The following PLPPR1 variants were observed in gnomAD, a reference collection of about 807,000 sequenced individuals.
The protein encoded by PLPPR1 is phospholipid phosphatase-related protein type 1.
Under a neutral mutation model 33.1 loss-of-function variants are expected in PLPPR1, and 10 were observed. The ratio of observed to expected loss-of-function variants is 0.30; its 90% CI spans 0.19 to 0.51. PLPPR1 has a LOEUF of 0.51. Among genes scored for constraint, PLPPR1 ranks in the 20% least tolerant of loss-of-function variants. The pLI is 0.97. For synonymous variants in PLPPR1, 151 were observed against 151.0 expected, an observed-to-expected ratio of 1.00 and a Z score of 0.00; for missense variants, 304 against 408.1, an observed-to-expected ratio of 0.74 and a Z score of 2.20.
intron 1 of PLPPR1, among the ~76,000 whole-genome samples, chr9:101,046,470 C>T (rs1451178405): frequency 8.9e-5 from 12 of 134,174 alleles, no homozygotes; most frequent in Admixed American, 1.6e-4. Flanking sequence ...GACAGAGTCT[C>T]GCCATGTCGC....
At chr9:101,080,987 T>C (rs1473584082) in intron 1 of PLPPR1, among the ~76,000 whole-genome samples, 1 of 152,178 alleles carries the variant, frequency 6.6e-6, no homozygotes, top group East Asian at 1.9e-4. Context: ...GTGGGAGTTC[T>C]GCAGTGTAGA....
At chr9:101,197,190 C>G (rs191456582) in intron 2 of PLPPR1, among the ~76,000 whole-genome samples, 1 of 152,244 alleles carries the variant, frequency 6.6e-6, no homozygotes, top group Admixed American at 6.5e-5. Flanking sequence ...ATTTTGGTCA[C>G]GCGTATCTGT....
intron 1 of PLPPR1, among the ~76,000 whole-genome samples, chr9:101,087,455 G>A (rs1830692735): frequency 6.6e-6 from 1 of 152,160 alleles, no homozygotes; most frequent in Admixed American, 6.5e-5. Flanking sequence ...AGAAAAGAAC[G>A]AGAGATGTAA....
chr9:101,275,124 T>C (rs144101208), intron 3 of PLPPR1, among the ~76,000 whole-genome samples: 266 of 152,334 alleles, frequency 1.7e-3, no homozygotes, highest in Middle Eastern at 3.4e-3. Context: ...TGGAGTATAA[T>C]GAAGCGTGAC....
intron 4 of PLPPR1, among the ~76,000 whole-genome samples, chr9:101,307,068 A>G (rs1828871721): frequency 1.3e-5 from 2 of 152,200 alleles, no homozygotes; most frequent in African/African-American, 4.8e-5. Flanking sequence ...CTGAAGCTGG[A>G]TCAAATGCAC....
chr9:101,202,059 G>T (rs1564174270), intron 2 of PLPPR1, among the ~76,000 whole-genome samples: 1 of 152,166 alleles, frequency 6.6e-6, no homozygotes, highest in African/African-American at 2.4e-5. Flanking sequence ...AATTAATCAG[G>T]TCCAACCAGT....
chr9:101,307,189 G>T (rs1217908085), intron 4 of PLPPR1, among the ~76,000 whole-genome samples: 1 of 152,184 alleles, frequency 6.6e-6, no homozygotes, highest in Admixed American at 6.5e-5. Context: ...TGGCATACAG[G>T]ACAATGGTGT....
At chr9:101,243,020 G>T (rs1827508982) in intron 2 of PLPPR1, among the ~76,000 whole-genome samples, 1 of 151,982 alleles carries the variant, frequency 6.6e-6, no homozygotes, top group East Asian at 1.9e-4. Flanking sequence ...ATGCCTCAAA[G>T]AAATTCATTA....
intron 2 of PLPPR1, among the ~76,000 whole-genome samples, chr9:101,235,449 A>G (rs1827279476): frequency 1.3e-5 from 2 of 151,934 alleles, no homozygotes; most frequent in Admixed American, 1.3e-4. Flanking sequence ...AGCTGCTGTG[A>G]TATTAGTCTC....
At chr9:101,136,827 CA>C (rs1245448600) in intron 1 of PLPPR1, among the ~76,000 whole-genome samples, 3 of 151,940 alleles carry the variant, frequency 2.0e-5, no homozygotes, top group African/African-American at 4.8e-5. Context: ...GGGCAGTGGA[CA>C]GGGGTGAGAG....
intron 1 of PLPPR1, among the ~76,000 whole-genome samples, chr9:101,108,101 C>T (rs1831000434): frequency 6.8e-6 from 1 of 146,760 alleles, no homozygotes; most frequent in South Asian, 2.1e-4. Context: ...GCAGAAATCA[C>T]CCGTCTTCTG....
intron 4 of PLPPR1, among the ~76,000 whole-genome samples, chr9:101,294,384 C>T (rs1419117577): frequency 1.3e-5 from 2 of 151,940 alleles, no homozygotes; most frequent in South Asian, 4.2e-4. Flanking sequence ...CAAGGAGGAA[C>T]TGGTATCATT....
intron 2 of PLPPR1, among the ~76,000 whole-genome samples, chr9:101,247,422 C>T (rs955737157): frequency 6.6e-6 from 1 of 151,980 alleles, no homozygotes; most frequent in African/African-American, 2.4e-5. Flanking sequence ...TGCACAGCCA[C>T]CATAGAAAAA....
chr9:101,214,466 A>T (rs1222938295), intron 2 of PLPPR1, among the ~76,000 whole-genome samples: 8 of 152,216 alleles, frequency 5.3e-5, no homozygotes, highest in Non-Finnish European at 8.8e-5. Context: ...TGTGTAATAA[A>T]ATCAAAACGC....
At chr9:101,063,909 C>G (rs550677584) in intron 1 of PLPPR1, among the ~76,000 whole-genome samples, 1 of 152,174 alleles carries the variant, frequency 6.6e-6, no homozygotes, top group South Asian at 2.1e-4. Context: ...GCTCATGAAA[C>G]TAGGTATATG....
rs1252872749 is a variant in PLPPR1, at chr9:101,165,501, G to C, written c.-45-19949G>C. On this transcript the variant is annotated intron_variant, in intron 1 of 7. Transcript: ENST00000374874. ...CAAATACTTGTAGGAACTCCAATTT[G>C]TTTGGGGAATAAATTTACAATAGGA... Among the ~76,000 whole-genome samples the C allele has an allele frequency of 2.0e-5, 3 of 152,166 alleles. No individual in the cohort carries two copies. The East Asian group carries it at 5.8e-4, about 29-fold the overall frequency.
intron 2 of PLPPR1, among the ~76,000 whole-genome samples, chr9:101,246,099 T>TAGATAGATAG (rs1285268174): frequency 3.6e-5 from 4 of 110,210 alleles, no homozygotes; most frequent in Middle Eastern, 5.1e-3. Flanking sequence ...TATATATATA[T>TAGATAGATAG]ATATATATAT....
At chr9:101,267,237 A>T (rs1048171661) in intron 2 of PLPPR1, among the ~76,000 whole-genome samples, 1 of 152,246 alleles carries the variant, frequency 6.6e-6, no homozygotes, top group Non-Finnish European at 1.5e-5. Context: ...TCAAGCATAA[A>T]AGAAACAGTA....
intron 2 of PLPPR1, among the ~76,000 whole-genome samples, chr9:101,265,468 T>A (rs1334765635): frequency 1.3e-5 from 2 of 152,066 alleles, no homozygotes; most frequent in Non-Finnish European, 2.9e-5. Flanking sequence ...CTCCATGCAT[T>A]CCTAAATGGA....
Sources: gnomAD v4.1 joint callset for allele counts (sites outside exome capture counted in the v4.1 genomes callset) on GRCh38, gnomAD v4.1.1 for gene constraint, MANE v1.5 for transcripts, NCBI Gene and HGNC (gene_info 2026-07-23, HGNC 2026-07-21) for gene names.